Variants in TAFA1 observed in about 807,000 individuals in gnomAD.
TAFA1 encodes chemokine-like protein TAFA-1.
TAFA1 carries 4 observed loss-of-function variants against 18.5 expected under a neutral mutation model. The ratio of observed to expected loss-of-function variants is 0.22; its 90% CI spans 0.11 to 0.49. The LOEUF is 0.49. Among genes scored for constraint, TAFA1 ranks in the 20% least tolerant of loss-of-function variants. TAFA1 has a pLI of 0.98. For missense variants in TAFA1, 147 were observed against 169.0 expected, an observed-to-expected ratio of 0.87 and a Z score of 0.72; for synonymous variants, 56 against 55.2, an observed-to-expected ratio of 1.01 and a Z score of -0.06.
At chr3:68,537,172 A>G (rs1285071425) in intron 3 of TAFA1, among the ~76,000 whole-genome samples, 18 of 152,210 alleles carry the variant, frequency 1.2e-4, no homozygotes, top group Non-Finnish European at 2.9e-5. Context: ...TAAGAGCACG[A>G]AAGTTCCTGA....
At chr3:68,010,686 G>A (rs1363594414) in intron 2 of TAFA1, among the ~76,000 whole-genome samples, 7 of 152,150 alleles carry the variant, frequency 4.6e-5, no homozygotes, top group African/African-American at 1.7e-4. Context: ...GATTAAAACA[G>A]TCAATCAAAT....
chr3:68,013,597 C>A (rs1704514130), intron 2 of TAFA1, among the ~76,000 whole-genome samples: 1 of 152,044 alleles, frequency 6.6e-6, no homozygotes. Context: ...CTTTCCAAAT[C>A]TTTTGATATC....
chr3:68,285,500 T>C (rs935782006), intron 2 of TAFA1, among the ~76,000 whole-genome samples: 1 of 152,182 alleles, frequency 6.6e-6, no homozygotes, highest in African/African-American at 2.4e-5. Context: ...ATAGCAACAT[T>C]TATATATAGC....
intron 2 of TAFA1, among the ~76,000 whole-genome samples, chr3:68,081,272 C>T (rs1460729000): frequency 6.6e-6 from 1 of 152,084 alleles, no homozygotes; most frequent in East Asian, 1.9e-4. Flanking sequence ...CCTCCCATAG[C>T]TCAGAGTAAT....
At chr3:68,007,269 A>AT (rs954501515) in intron 2 of TAFA1, among the ~76,000 whole-genome samples, 20 of 152,004 alleles carry the variant, frequency 1.3e-4, no homozygotes, top group African/African-American at 4.6e-4. Flanking sequence ...GCTCAGTGGC[A>AT]TTTTTCCCTC....
chr3:68,118,292 A>G (rs2065347095), intron 2 of TAFA1, among the ~76,000 whole-genome samples: 1 of 152,164 alleles, frequency 6.6e-6, no homozygotes, highest in Non-Finnish European at 1.5e-5. Context: ...TGCGCACTTC[A>G]TAATAGGGTT....
At chr3:68,221,388 T>A (rs2066728109) in intron 2 of TAFA1, among the ~76,000 whole-genome samples, 1 of 152,170 alleles carries the variant, frequency 6.6e-6, no homozygotes. Flanking sequence ...CATACAACTC[T>A]GATAAGAGAG....
chr3:68,132,465 A>G (rs2065552522), intron 2 of TAFA1, among the ~76,000 whole-genome samples: 3 of 152,160 alleles, frequency 2.0e-5, no homozygotes, highest in Admixed American at 2.0e-4. Flanking sequence ...TGTCTTCCAC[A>G]ATGGTTGAAC....
intron 3 of TAFA1, among the ~76,000 whole-genome samples, chr3:68,510,440 G>A (rs1485656629): frequency 6.6e-6 from 1 of 152,042 alleles, no homozygotes; most frequent in Non-Finnish European, 1.5e-5. Flanking sequence ...GAAGCACAAT[G>A]TTAACTCTCC....
At chr3:68,062,301 A>G (rs781620294) in intron 2 of TAFA1, among the ~76,000 whole-genome samples, 1 of 152,114 alleles carries the variant, frequency 6.6e-6, no homozygotes, top group Non-Finnish European at 1.5e-5. Context: ...GACTTCTGCT[A>G]CTCAGTTTCA....
chr3:68,049,810 CT>C (rs1176439898), intron 2 of TAFA1, among the ~76,000 whole-genome samples: 2 of 152,078 alleles, frequency 1.3e-5, no homozygotes, highest in Non-Finnish European at 2.9e-5. Flanking sequence ...AGAACATTTT[CT>C]GCATATTTTT....
intron 1 of TAFA1, chr3:68,006,372 C>G (rs1704357262): frequency 2.2e-6 from 1 of 450,626 alleles, no homozygotes; most frequent in South Asian, 3.0e-5. Flanking sequence ...TAGCCTAAAA[C>G]TTTATTTTTG....
At chr3:68,386,016 C>A (rs1329676542) in intron 2 of TAFA1, among the ~76,000 whole-genome samples, 1 of 152,036 alleles carries the variant, frequency 6.6e-6, no homozygotes, top group East Asian at 1.9e-4. Flanking sequence ...TAAAAGTTGG[C>A]TGCTTTTGTG....
chr3:68,095,906 G>A (rs950403039), intron 2 of TAFA1, among the ~76,000 whole-genome samples: 12 of 152,072 alleles, frequency 7.9e-5, no homozygotes, highest in Non-Finnish European at 1.6e-4. Flanking sequence ...ATCAAGTCAT[G>A]GTAGATAGGC....
In TAFA1 at chr3:68,266,801, C is replaced by T. The variant is rs573919585; in HGVS notation, c.119-150479C>T. On this transcript the variant is annotated intron_variant, in intron 2 of 4. Transcript: ENST00000478136. Reference sequence around the variant, plus strand: ...CAGTTAACCTGTCTTCTGTGTTCCACCTCTCTAGAGGATGCTGCCCAACTC... The same window carrying T: ...CAGTTAACCTGTCTTCTGTGTTCCATCTCTCTAGAGGATGCTGCCCAACTC... Among the ~76,000 whole-genome samples, 10 of 152,240 alleles carry T rather than the reference C, an allele frequency of 6.6e-5. No individual in the cohort carries two copies. The East Asian group carries it at 1.9e-3, about 29-fold the overall frequency.
chr3:68,145,669 C>G, intron 2 of TAFA1: 1 of 937,740 alleles, frequency 1.1e-6, no homozygotes, highest in Non-Finnish European at 1.8e-6. Flanking sequence ...TCTTCAGAAT[C>G]CTGTATACTG....
At chr3:68,422,607 G>A (rs1018976290) in intron 3 of TAFA1, among the ~76,000 whole-genome samples, 1 of 151,910 alleles carries the variant, frequency 6.6e-6, no homozygotes, top group Non-Finnish European at 1.5e-5. Context: ...GAAAATGTGG[G>A]GTAAAACCTT....
chr3:68,495,293 C>T (rs1007354120), intron 3 of TAFA1, among the ~76,000 whole-genome samples: 7 of 152,052 alleles, frequency 4.6e-5, no homozygotes, highest in African/African-American at 1.4e-4. Context: ...GAATGGAATA[C>T]GAGTTGGACA....
At chr3:67,991,607 G>A in the TAFA1 span, among the ~76,000 whole-genome samples, 1 of 152,324 alleles carries the variant, frequency 6.6e-6, no homozygotes, top group African/African-American at 2.4e-5. Flanking sequence ...CAGAACCCCA[G>A]GCTCTCCAGC....
Sources: allele counts gnomAD v4.1 joint callset (sites outside exome capture counted in the v4.1 genomes callset), GRCh38; gene constraint gnomAD v4.1.1; transcripts MANE v1.5; gene names NCBI Gene and HGNC (gene_info 2026-07-23, HGNC 2026-07-21).